Variants in ATP1A1 observed in about 807,000 individuals in gnomAD.
ATP1A1 encodes the protein sodium/potassium-transporting ATPase subunit alpha-1.
A neutral mutation model predicts 114.8 loss-of-function variants in ATP1A1; 14 were observed. The ratio of observed to expected loss-of-function variants is 0.12; its 90% CI spans 0.08 to 0.19. The LOEUF is 0.19. Among genes scored for constraint, ATP1A1 ranks in the 10% least tolerant of loss-of-function variants. ATP1A1 has a pLI of 1.00. For synonymous variants in ATP1A1, 471 were observed against 466.3 expected (o/e 1.01, Z -0.13); for missense variants, 524 against 1,290.7 (o/e 0.41, Z 9.10).
rs1455588836 is a variant in ATP1A1, at chr1:116,393,002, T to C, written c.1467+14T>C. ...AACAAGTACCAGGTCTGAAGATCGATGGGTACACGGAGGGCGAGGGCAAGC... is the reference window on the plus strand; with the variant it reads ...AACAAGTACCAGGTCTGAAGATCGACGGGTACACGGAGGGCGAGGGCAAGC... On this transcript the variant is annotated intron_variant, in intron 11 of 22. Transcript: ENST00000295598. This position sits in a 1 kb window ranked among gnomAD's most constrained non-coding sequence, Gnocchi z 5.0. 3 of 1,613,630 alleles carry C rather than the reference T, an allele frequency of 1.9e-6. No individual in the cohort carries two copies. The highest frequency in any genetic ancestry group is 2.2e-5 in the East Asian group (1 of 44,876).
In ATP1A1 at chr1:116,388,449, C is replaced by T; in HGVS notation, c.502-189C>T. 1.0e-6 allele frequency: 1 copy of T among 961,896 alleles called. No individual in the cohort carries two copies. Among genetic ancestry groups the T allele is most frequent in the South Asian group, 1.7e-5 (1 of 59,284 alleles). The allele number at this position is 961,896 out of a possible 1,614,324, so 59.6% of individuals were successfully genotyped here. ...TTTGAATGTAAACTCTGAATACAGG[C>T]ACACCATGTAACAGCAATATCTCTT... On this transcript the variant is annotated intron_variant, in intron 5 of 22. Coordinates refer to ENST00000295598, the MANE Select transcript of ATP1A1 (RefSeq NM_000701.8). This position sits in a 1 kb window ranked among gnomAD's most constrained non-coding sequence, Gnocchi z 5.6.
At chr1:116,396,829 G>A in intron 14 of ATP1A1, 95 bp downstream of exon 14, 3 of 1,399,718 alleles carry the variant, frequency 2.1e-6, no homozygotes, top group South Asian at 1.6e-5. Flanking sequence ...TTGCATCTAG[G>A]CTTGCTCTGA....
chr1:116,403,006 G>A (rs1361413900), intron 21 of ATP1A1, among the ~76,000 whole-genome samples: 1 of 152,200 alleles, frequency 6.6e-6, no homozygotes, highest in Non-Finnish European at 1.5e-5. Flanking sequence ...GCTTGGAGAG[G>A]TCACAGAGCT....
rs1195440793 is a variant in ATP1A1 at position 116,384,948 on chromosome 1, A to G, written c.183+106A>G. The G allele has an allele frequency of 2.7e-6, 3 of 1,097,484 alleles. No individual in the cohort carries two copies. The highest frequency in any genetic ancestry group is 1.9e-5 in the Admixed American group (1 of 52,960). 68.0% of individuals were successfully genotyped at this position (1,097,484 alleles called of 1,614,324 possible). A position where few individuals can be genotyped will look rare whatever the true frequency, so the allele number is the denominator to read the frequency against. On this transcript the variant is annotated intron_variant, in intron 3 of 22. Transcript: ENST00000295598. This position sits in a 1 kb window ranked among gnomAD's most constrained non-coding sequence, Gnocchi z 5.1. The stretch of plus-strand genomic sequence containing the variant: ...CCTCAGGGGCTCTAGTAAGAAAATG[A>G]CAGACACCATCTGCGTATCTACCAT...
Position 116,398,573 on chromosome 1 carries a change from G to T in ATP1A1, c.2125-48G>T, listed in dbSNP as rs368077371. On this transcript the variant is annotated intron_variant, in intron 15 of 22. Transcript: ENST00000295598. The surrounding 1 kb of genome is among the most constrained non-coding windows in gnomAD (Gnocchi z 6.1). Reference sequence around the variant, plus strand: ...GGGCATGCATCGCACTATTTCCATCGCTAGGAAAAGTGATTGGTATTAACC... The same window carrying T: ...GGGCATGCATCGCACTATTTCCATCTCTAGGAAAAGTGATTGGTATTAACC... 2 of 1,586,582 alleles carry T rather than the reference G, an allele frequency of 1.3e-6. No homozygotes were observed. Among genetic ancestry groups the T allele is most frequent in the Admixed American group, 1.7e-5 (1 of 58,522 alleles).
At chr1:116,392,071 G>T (rs969539365) in intron 10 of ATP1A1, among the ~76,000 whole-genome samples, 7 of 152,150 alleles carry the variant, frequency 4.6e-5, no homozygotes, top group African/African-American at 1.7e-4. Context: ...CTATACTTCT[G>T]AGCATTGATC....
In ATP1A1 at chr1:116,373,474, G is replaced by A; in HGVS notation, c.-38G>A. On this transcript the variant is annotated 5_prime_UTR_variant, in exon 1 of 23. Coordinates refer to ENST00000295598, the MANE Select transcript of ATP1A1 (RefSeq NM_000701.8). ...CTGTGCTTTTCTCTCTGATTCTCCA[G>A]CGACAGGACCCGGCGCCGGGCACTG... 2.0e-6 allele frequency: 3 copies of A among 1,511,328 alleles called. No individual in the cohort carries two copies. The highest frequency in any genetic ancestry group is 1.5e-5 in the African/African-American group (1 of 68,848). The allele number at this position is 1,511,328 out of a possible 1,614,324, so 93.6% of individuals were successfully genotyped here.
chr1:116,393,786 A>G lies in ATP1A1; in HGVS notation c.1660+63A>G. The G allele has an allele frequency of 6.7e-7, 1 of 1,494,872 alleles. No individual in the cohort carries two copies. The highest frequency in any genetic ancestry group is 9.1e-7 in the Non-Finnish European group (1 of 1,103,286). 92.6% of individuals were successfully genotyped at this position (1,494,872 alleles called of 1,614,324 possible). On this transcript the variant is annotated intron_variant, in intron 12 of 22. Coordinates refer to ENST00000295598, the MANE Select transcript of ATP1A1 (RefSeq NM_000701.8). The surrounding 1 kb of genome is among the most constrained non-coding windows in gnomAD (Gnocchi z 5.0). ...TTTTTATCCAGTAACCTAGTCTGGT[A>G]GACAGTTAACAAGTGATCCTATGAA...
intron 1 of ATP1A1, chr1:116,374,133 G>A: frequency 6.5e-7 from 1 of 1,545,904 alleles, no homozygotes; most frequent in East Asian, 2.5e-5. Context: ...CCGCGCAGAG[G>A]CGGCCGCCCT....
intron 10 of ATP1A1, among the ~76,000 whole-genome samples, chr1:116,391,443 C>T (rs1477338507): frequency 6.6e-6 from 1 of 152,140 alleles, no homozygotes; most frequent in Non-Finnish European, 1.5e-5. Context: ...AATTCTGATG[C>T]AGTTTGAAAT....
chr1:116,374,056 G>A, intron 1 of ATP1A1: 1 of 1,402,318 alleles, frequency 7.1e-7, no homozygotes, highest in Non-Finnish European at 9.3e-7. Context: ...CCGCGGCCCC[G>A]GTTCCGGCGG....
At chr1:116,379,035 G>A (rs746975849) in intron 1 of ATP1A1, among the ~76,000 whole-genome samples, 3 of 152,202 alleles carry the variant, frequency 2.0e-5, no homozygotes, top group Non-Finnish European at 2.9e-5. Context: ...AAAGTGCACT[G>A]ATTCTTTACA....
intron 3 of ATP1A1, among the ~76,000 whole-genome samples, chr1:116,386,585 GT>G (rs1652111723): frequency 1.3e-5 from 2 of 152,014 alleles, no homozygotes; most frequent in Admixed American, 6.6e-5. Context: ...GAGTATAAAA[GT>G]GATCATATTT....
chr1:116,378,390 A>T (rs192441607), intron 1 of ATP1A1, among the ~76,000 whole-genome samples: 1 of 152,324 alleles, frequency 6.6e-6, no homozygotes, highest in East Asian at 1.9e-4. Context: ...CCTATTTAGT[A>T]ATGACTATTG....
At chr1:116,390,538 T>G in intron 9 of ATP1A1, 127 bp downstream of exon 9, 2 of 834,428 alleles carry the variant, frequency 2.4e-6, no homozygotes, top group Non-Finnish European at 3.4e-6. Context: ...TCTTTTTTGT[T>G]TTTTTTTTTT....
In ATP1A1 at chr1:116,390,056, C is replaced by CA. The variant is rs1321342490; in HGVS notation, c.1024-157_1024-156insA. On this transcript the variant is annotated intron_variant, in intron 8 of 22. Coordinates refer to ENST00000295598, the MANE Select transcript of ATP1A1 (RefSeq NM_000701.8). Reference sequence around the variant, plus strand: ...TGCTTTTCTGGAAGGAAGGGGAAGCCTCATGTATGGGTTCCCCTTATTATT... The same window carrying CA: ...TGCTTTTCTGGAAGGAAGGGGAAGCCATCATGTATGGGTTCCCCTTATTATT... The CA allele has an allele frequency of 2.5e-5, 20 of 788,720 alleles. No individual in the cohort carries two copies. The African/African-American group carries it at 3.1e-4, about 12-fold the overall frequency. 48.9% of individuals were successfully genotyped at this position (788,720 alleles called of 1,614,324 possible). A position where few individuals can be genotyped will look rare whatever the true frequency, so the allele number is the denominator to read the frequency against.
chr1:116,396,379 C>CCAAG (rs1240721841), intron 13 of ATP1A1, among the ~76,000 whole-genome samples: 1 of 145,986 alleles, frequency 6.8e-6, no homozygotes, highest in Non-Finnish European at 1.5e-5. Flanking sequence ...TGATTGTATA[C>CCAAG]CAAGATAAAA....
chr1:116,404,005 AG>A lies in ATP1A1; in HGVS notation c.3043+32del, dbSNP rs1370323891. On this transcript the variant is annotated intron_variant, in intron 22 of 22. Transcript: ENST00000295598. The surrounding 1 kb of genome is among the most constrained non-coding windows in gnomAD (Gnocchi z 4.8). ...TTATGGGCATTCTGACTTTGGTTGGAGGAGGAGTGGGAGGGGCTATAGTTCT... is the reference window on the plus strand; with the variant it reads ...TTATGGGCATTCTGACTTTGGTTGGAGAGGAGTGGGAGGGGCTATAGTTCT... 1.9e-6 allele frequency: 3 copies of A among 1,599,294 alleles called. No individual in the cohort carries two copies. In the East Asian group the frequency reaches 6.7e-5, roughly 36 times the overall value.
At position 116,398,355 on chromosome 1, in the gene ATP1A1, A is replaced by G. The variant is rs1170801757; in HGVS notation, c.2125-266A>G. Reference sequence around the variant, plus strand: ...TACAGGGCGTGCATACAGGAATGGCATTTTCTGGAGTGCCACCCACCAGAG... The same window carrying G: ...TACAGGGCGTGCATACAGGAATGGCGTTTTCTGGAGTGCCACCCACCAGAG... On this transcript the variant is annotated intron_variant, in intron 15 of 22. Transcript: ENST00000295598. The surrounding 1 kb of genome is among the most constrained non-coding windows in gnomAD (Gnocchi z 6.1). Among the ~76,000 whole-genome samples the G allele has an allele frequency of 1.3e-5, 2 of 152,026 alleles. No individual in the cohort carries two copies. Among genetic ancestry groups the G allele is most frequent in the African/African-American group, 4.8e-5 (2 of 41,374 alleles).
Sources: gnomAD v4.1 joint callset for allele counts (sites outside exome capture counted in the v4.1 genomes callset) on GRCh38, gnomAD v4.1.1 for gene constraint, Gnocchi (gnomAD v3.1) non-coding constraint, MANE v1.5 for transcripts, NCBI Gene and HGNC (gene_info 2026-07-23, HGNC 2026-07-21) for gene names.